Variants in ZNF385D observed in about 807,000 individuals in gnomAD.
ZNF385D encodes zinc finger protein 659.
ZNF385D carries 15 observed loss-of-function variants against 35.8 expected under a neutral mutation model. The observed-to-expected ratio is 0.42, with a 90% CI of 0.28 to 0.64. The LOEUF (loss-of-function observed/expected upper bound fraction) is 0.64. Among genes scored for constraint, ZNF385D ranks in the 30% least tolerant of loss-of-function variants. The pLI is 0.23. For synonymous variants in ZNF385D, 212 were observed against 186.8 expected, an observed-to-expected ratio of 1.13 and a Z score of -1.10; for missense variants, 474 against 494.6, an observed-to-expected ratio of 0.96 and a Z score of 0.39.
At chr3:21,486,834 T>C (rs1705063715) in intron 4 of ZNF385D, among the ~76,000 whole-genome samples, 1 of 152,108 alleles carries the variant, frequency 6.6e-6, no homozygotes, top group African/African-American at 2.4e-5. Context: ...TATTTGTTCA[T>C]TGATTCACTC....
chr3:21,724,205 T>C (rs1019367198), intron 1 of ZNF385D, among the ~76,000 whole-genome samples: 5 of 151,710 alleles, frequency 3.3e-5, no homozygotes, highest in East Asian at 1.9e-4. Context: ...ACAAACCAAA[T>C]TGTAAAGACC....
intron 3 of ZNF385D, among the ~76,000 whole-genome samples, chr3:21,884,402 C>G (rs1698434534): frequency 6.6e-6 from 1 of 151,926 alleles, no homozygotes; most frequent in South Asian, 2.1e-4. Flanking sequence ...AACTTTCTAT[C>G]CAATATTTAT....
chr3:22,231,720 A>G (rs1421552063), intron 2 of ZNF385D, among the ~76,000 whole-genome samples: 1 of 152,154 alleles, frequency 6.6e-6, no homozygotes, highest in African/African-American at 2.4e-5. Context: ...GGAGCAGAGC[A>G]GAATAATATG....
chr3:21,923,410 G>A (rs916960668), intron 3 of ZNF385D, among the ~76,000 whole-genome samples: 1 of 152,188 alleles, frequency 6.6e-6, no homozygotes, highest in East Asian at 1.9e-4. Context: ...ACTGTTGATA[G>A]AAATGTAAAT....
At chr3:21,599,290 TA>T (rs1202646550) in intron 2 of ZNF385D, among the ~76,000 whole-genome samples, 1 of 152,232 alleles carries the variant, frequency 6.6e-6, no homozygotes, top group African/African-American at 2.4e-5. Context: ...ATCAAAATCA[TA>T]GTGTTTGTTT....
intron 3 of ZNF385D, among the ~76,000 whole-genome samples, chr3:22,062,514 A>G (rs1042672343): frequency 1.3e-5 from 2 of 152,236 alleles, no homozygotes; most frequent in African/African-American, 4.8e-5. Flanking sequence ...TGTTTCAATT[A>G]GTAGTGAGCC....
chr3:21,622,793 A>G (rs2065041502), intron 2 of ZNF385D, among the ~76,000 whole-genome samples: 1 of 152,064 alleles, frequency 6.6e-6, no homozygotes, highest in South Asian at 2.1e-4. Flanking sequence ...TACTTCTATA[A>G]CCTAGGCTTA....
chr3:22,209,562 A>G (rs571869619), intron 2 of ZNF385D, among the ~76,000 whole-genome samples: 1 of 151,976 alleles, frequency 6.6e-6, no homozygotes, highest in African/African-American at 2.4e-5. Context: ...CAAACCACTT[A>G]TTTTTGTTCC....
In ZNF385D at chr3:22,086,941, G is replaced by C. The variant is rs1701076341; in HGVS notation, c.325+81876C>G. Among the ~76,000 whole-genome samples, 6 of 152,060 alleles carry C rather than the reference G, an allele frequency of 3.9e-5. No individual in the cohort carries two copies. The South Asian group carries it at 1.2e-3, about 32-fold the overall frequency. On this transcript the variant is annotated intron_variant, in intron 3 of 5. Transcript: ENST00000494108. ...CACACCAGGTCCTGTCGTGGGGTGG[G>C]GGGAGAGGGGAGGGATAGCATTAGG... is the stretch of plus-strand genomic sequence containing the variant.
At chr3:21,901,851 T>A (rs1291119345) in intron 3 of ZNF385D, among the ~76,000 whole-genome samples, 1 of 152,150 alleles carries the variant, frequency 6.6e-6, no homozygotes, top group East Asian at 1.9e-4. Context: ...AATACTTGGA[T>A]AACGAAAGAA....
At chr3:21,845,861 A>C (rs780528229) in intron 3 of ZNF385D, among the ~76,000 whole-genome samples, 22 of 152,002 alleles carry the variant, frequency 1.4e-4, no homozygotes, top group Admixed American at 6.6e-4. Flanking sequence ...ATACGCCTGA[A>C]TATGGAAAAA....
chr3:22,099,252 C>A (rs1382698240), intron 3 of ZNF385D, among the ~76,000 whole-genome samples: 2 of 152,016 alleles, frequency 1.3e-5, no homozygotes, highest in African/African-American at 4.8e-5. Context: ...ATGGCATATA[C>A]CCACATATAT....
At chr3:21,905,384 A>T (rs1699629214) in intron 3 of ZNF385D, among the ~76,000 whole-genome samples, 2 of 152,086 alleles carry the variant, frequency 1.3e-5, no homozygotes, top group South Asian at 4.1e-4. Flanking sequence ...TATCACATAA[A>T]GGCTAAATTT....
intron 1 of ZNF385D, among the ~76,000 whole-genome samples, chr3:21,735,937 C>T (rs1482756232): frequency 6.6e-6 from 1 of 152,188 alleles, no homozygotes; most frequent in African/African-American, 2.4e-5. Flanking sequence ...ACATAAATGT[C>T]CCTACTACCA....
chr3:22,114,814 A>G (rs1044397498), intron 3 of ZNF385D, among the ~76,000 whole-genome samples: 1 of 152,088 alleles, frequency 6.6e-6, no homozygotes, highest in Non-Finnish European at 1.5e-5. Flanking sequence ...TTGGGCCTTT[A>G]GGAGGTGACT....
At chr3:22,103,901 G>A (rs17010797) in intron 3 of ZNF385D, among the ~76,000 whole-genome samples, 22,394 of 151,866 alleles carry the variant, frequency 0.15, 2,065 homozygotes, top group African/African-American at 0.26. Flanking sequence ...ATGACTAATT[G>A]AATTATATGG....
chr3:22,198,482 C>T (rs1475679727), intron 2 of ZNF385D, among the ~76,000 whole-genome samples: 1 of 151,970 alleles, frequency 6.6e-6, no homozygotes. Flanking sequence ...TAGAAATACA[C>T]TTTCATAGAA....
chr3:22,270,784 T>G (rs1314271382), intron 2 of ZNF385D, among the ~76,000 whole-genome samples: 1 of 152,044 alleles, frequency 6.6e-6, no homozygotes, highest in African/African-American at 2.4e-5. Context: ...CCGACTTTAT[T>G]TTAAACATAT....
intron 1 of ZNF385D, among the ~76,000 whole-genome samples, chr3:21,695,485 T>C (rs1348959589): frequency 6.6e-6 from 1 of 152,184 alleles, no homozygotes; most frequent in Non-Finnish European, 1.5e-5. Flanking sequence ...TAAGCAAGCA[T>C]CGCTGCAGGA....
Sources: allele counts gnomAD v4.1 joint callset (sites outside exome capture counted in the v4.1 genomes callset), GRCh38; gene constraint gnomAD v4.1.1; transcripts MANE v1.5; gene names NCBI Gene and HGNC (gene_info 2026-07-23, HGNC 2026-07-21).